MYO7A: variants seen among roughly 807,000 people sequenced by gnomAD.
MYO7A encodes myosin VIIA, also known as unconventional myosin-VIIa.
In MYO7A, 210 loss-of-function variants were observed where a neutral mutation model predicts 263.8. The observed-to-expected ratio is 0.80, with a 90% CI of 0.71 to 0.89. The LOEUF (loss-of-function observed/expected upper bound fraction) is 0.89. MYO7A is among the 40% of genes least tolerant of loss of function. MYO7A has a pLI of 0.00. For synonymous variants in MYO7A, 1,239 were observed against 1,197.3 expected, an observed-to-expected ratio of 1.03 and a Z score of -0.72; for missense variants, 2,820 against 2,968.3, an observed-to-expected ratio of 0.95 and a Z score of 1.16.
chr11:77,162,401 G>C lies in MYO7A; in HGVS notation c.1554+71G>C, dbSNP rs528650580. ...GCTTCCTTCCCTGCTTTGAGCCCCG[G>C]CTTTCCTCATCTGCAAAATAGGACT... On this transcript the variant is annotated intron_variant, in intron 13 of 48. Coordinates refer to ENST00000409709, the MANE Select transcript of MYO7A (RefSeq NM_000260.4). The C allele has an allele frequency of 7.6e-5, 110 of 1,438,470 alleles. 1 individual carries two copies. The African/African-American group carries it at 1.4e-3, about 18-fold the overall frequency. 89.1% of individuals were successfully genotyped at this position (1,438,470 alleles called of 1,614,324 possible).
Position 77,202,308 on chromosome 11 carries a change from C to A in MYO7A, c.5052C>A (p.Val1684=). The stretch of plus-strand genomic sequence containing the variant: ...TGTCTCTTGGTCCCTAGGCCCTGGT[C>A]ACCATGACTCCCGATCAGAGGCAGG... ...TMPPREIVAL[V]TMTPDQRQDV... is the part of the protein sequence containing the mutation. The change falls in exon 37 of 49, where the codon GTC becomes GTA. Residue 1684 remains valine (V), a synonymous_variant. Coordinates refer to ENST00000409709, the MANE Select transcript of MYO7A (RefSeq NM_000260.4). The A allele has an allele frequency of 2.5e-6, 4 of 1,586,294 alleles. No homozygotes were observed. In the South Asian group the frequency reaches 3.5e-5, roughly 14 times the overall value.
chr11:77,198,175 C>T (rs868044589), intron 33 of MYO7A, among the ~76,000 whole-genome samples: 9 of 152,200 alleles, frequency 5.9e-5, no homozygotes, highest in Admixed American at 2.0e-4. Flanking sequence ...ACAGAACCAC[C>T]GAGCACCAGG....
At position 77,162,351 on chromosome 11, in the gene MYO7A, C is replaced by T. The variant is rs562466198; in HGVS notation, c.1554+21C>T. 13 of 1,549,436 alleles carry T rather than the reference C, an allele frequency of 8.4e-6. No homozygotes were observed. In the African/African-American group the frequency reaches 1.6e-4, roughly 20 times the overall value. On this transcript the variant is annotated intron_variant, in intron 13 of 48. Coordinates refer to ENST00000409709, the MANE Select transcript of MYO7A (RefSeq NM_000260.4). ...CCAAGGTGGGCCGGTCCTGCTGCCGCCTCCCAGGGTCTTGGGTGCGCACAG... is the reference window on the plus strand; with the variant it reads ...CCAAGGTGGGCCGGTCCTGCTGCCGTCTCCCAGGGTCTTGGGTGCGCACAG...
chr11:77,179,677 G>A, intron 20 of MYO7A, 58 bp from the exon 21 acceptor site: 1 of 1,443,726 alleles, frequency 6.9e-7, no homozygotes, highest in South Asian at 1.4e-5. Context: ...GCTCCTGCAG[G>A]CAGGGTCAGT....
chr11:77,177,543 T>A lies in MYO7A; in HGVS notation c.2188-6T>A. On this transcript the variant is annotated splice_polypyrimidine_tract_variant and splice_region_variant and intron_variant, in intron 18 of 48. Coordinates refer to ENST00000409709, the MANE Select transcript of MYO7A (RefSeq NM_000260.4). ...TGGGGCGCTGCTCAGGAGCTCTGCC[T>A]CCTAGGACCACCATGACATGCTGCT... The A allele has an allele frequency of 6.2e-7, 1 of 1,607,460 alleles. No homozygotes were observed. The highest frequency in any genetic ancestry group is 8.5e-7 in the Non-Finnish European group (1 of 1,177,368).
intron 20 of MYO7A, among the ~76,000 whole-genome samples, 169 bp downstream of exon 20, chr11:77,179,298 C>T (rs1304600343): frequency 6.6e-6 from 1 of 152,270 alleles, no homozygotes; most frequent in African/African-American, 2.4e-5. Flanking sequence ...CTGGATCTGG[C>T]TCTTGTGGCT....
At chr11:77,144,388 G>A (rs968930846) in intron 3 of MYO7A, among the ~76,000 whole-genome samples, 5 of 152,140 alleles carry the variant, frequency 3.3e-5, no homozygotes, top group Non-Finnish European at 5.9e-5. Context: ...TTTCACCTGG[G>A]TCATGTTGCA....
intron 10 of MYO7A, 92 bp from the exon 11 acceptor site, chr11:77,160,071 G>T: frequency 6.7e-7 from 1 of 1,491,838 alleles, no homozygotes; most frequent in South Asian, 1.3e-5. Context: ...AGTGGTCTGG[G>T]CCAGGCCAGT....
Position 77,176,206 on chromosome 11 carries a change from C to A in MYO7A, c.2187+742C>A, listed in dbSNP as rs1473747841. On this transcript the variant is annotated intron_variant, in intron 18 of 48. Coordinates refer to ENST00000409709, the MANE Select transcript of MYO7A (RefSeq NM_000260.4). ...AGGAGGGACAAGAACCAGCTCCGAA[C>A]TGGAGGGAGCCTGCGGCCTCTTCTA... 2.6e-5 allele frequency among the ~76,000 whole-genome samples: 4 copies of A among 152,362 alleles called. No homozygotes were observed. The East Asian group carries it at 7.7e-4, about 29-fold the overall frequency.
At position 77,180,383 on chromosome 11, in the gene MYO7A, C is replaced by A. The variant is rs782487264; in HGVS notation, c.2596C>A (p.Arg866Ser). Residue 866 changes from arginine to serine, a missense_variant, in exon 22 of 49, where the codon CGC becomes AGC. Transcript: ENST00000409709. ...TGCCCCCTTCCCTCAGTATCTGTGG[C>A]GCCTCGAGGCTGAGAAAATGCGGCT... Reference protein sequence around the residue: ...HQRLRAEYLWRLEAEKMRLAE... With the variant: ...HQRLRAEYLWSLEAEKMRLAE... The A allele has an allele frequency of 1.9e-6, 3 of 1,612,046 alleles. No homozygotes were observed. Among genetic ancestry groups the A allele is most frequent in the East Asian group, 2.2e-5 (1 of 44,872 alleles).
chr11:77,178,523 CCTTT>C (rs1954876991), intron 19 of MYO7A, among the ~76,000 whole-genome samples: 1 of 152,144 alleles, frequency 6.6e-6, no homozygotes, highest in Non-Finnish European at 1.5e-5. Context: ...CTTCGCTCTT[CCTTT>C]ATTTATTTCT....
chr11:77,158,560 G>A lies in MYO7A; in HGVS notation c.1003+130G>A, dbSNP rs527897995. ...CCCTCTTTGGGATGGAAGCTGGGAA[G>A]AATTCGCCTGTGGGTAGATTTGAAC... is the stretch of plus-strand genomic sequence containing the variant. On this transcript the variant is annotated intron_variant, in intron 9 of 48. Transcript: ENST00000409709. 4 of 1,192,450 alleles carry A rather than the reference G, an allele frequency of 3.4e-6. No homozygotes were observed. In the Admixed American group the frequency reaches 1.1e-4, roughly 33 times the overall value. 73.9% of individuals were successfully genotyped at this position (1,192,450 alleles called of 1,614,324 possible).
At chr11:77,171,663 A>G (rs567411329) in intron 15 of MYO7A, among the ~76,000 whole-genome samples, 1 of 152,212 alleles carries the variant, frequency 6.6e-6, no homozygotes, top group Non-Finnish European at 1.5e-5. Context: ...AGATGAAATG[A>G]TGACTCTAAA....
intron 38 of MYO7A, 106 bp from the exon 39 acceptor site, chr11:77,203,963 GAGGGCCC>G: frequency 8.1e-7 from 1 of 1,227,198 alleles, no homozygotes. Flanking sequence ...TGTGCAGCCT[GAGGGCCC>G]AGGGTCACAG....
At chr11:77,198,713 AGTGGCCTGCCTGGTT>A in intron 34 of MYO7A, 92 bp downstream of exon 34, 1 of 1,563,824 alleles carries the variant, frequency 6.4e-7, no homozygotes. Flanking sequence ...AGAGGCATGA[AGTGGCCTGCCTGGTT>A]GCACGTGATT....
At chr11:77,140,873 T>A (rs1231045151) in intron 2 of MYO7A, among the ~76,000 whole-genome samples, 1 of 152,212 alleles carries the variant, frequency 6.6e-6, no homozygotes, top group Non-Finnish European at 1.5e-5. Flanking sequence ...CCTGACTCTA[T>A]CATGTGCCAA....
intron 14 of MYO7A, among the ~76,000 whole-genome samples, chr11:77,165,562 G>C (rs1296493446): frequency 6.6e-6 from 1 of 152,156 alleles, no homozygotes; most frequent in East Asian, 1.9e-4. Flanking sequence ...TCTCCCTTTG[G>C]GGGCAGAGGA....
chr11:77,151,103 C>A (rs1315816809), intron 4 of MYO7A, among the ~76,000 whole-genome samples: 3 of 152,204 alleles, frequency 2.0e-5, no homozygotes, highest in African/African-American at 4.8e-5. Context: ...GAGAGAGCAT[C>A]CCAGGGCCAC....
intron 17 of MYO7A, 82 bp downstream of exon 17, chr11:77,174,996 C>G: frequency 6.5e-7 from 1 of 1,548,712 alleles, no homozygotes; most frequent in Non-Finnish European, 8.8e-7. Context: ...TTATCAGGAC[C>G]ATGGGCGGGG....
Sources: allele counts gnomAD v4.1 joint callset (sites outside exome capture counted in the v4.1 genomes callset), GRCh38; gene constraint gnomAD v4.1.1; transcripts MANE v1.5; gene names NCBI Gene and HGNC (gene_info 2026-07-23, HGNC 2026-07-21).